Variants in SORCS3 observed in about 807,000 individuals in gnomAD.
SORCS3 encodes sortilin related VPS10 domain containing receptor 3.
SORCS3 carries 57 observed loss-of-function variants against 146.3 expected under a neutral mutation model. The ratio of observed to expected loss-of-function variants is 0.39; its 90% confidence interval spans 0.31 to 0.49. SORCS3 has a LOEUF of 0.49. Among genes scored for constraint, SORCS3 ranks in the 20% least tolerant of loss-of-function variants. The pLI, the probability that SORCS3 is intolerant of heterozygous loss-of-function variation, is 0.92. For missense variants in SORCS3, 1,341 were observed against 1,575.5 expected (o/e 0.85, Z 2.52); for synonymous variants, 653 against 618.5 (o/e 1.06, Z -0.83).
intron 1 of SORCS3, among the ~76,000 whole-genome samples, chr10:104,816,089 TAA>T (rs1426749402): frequency 9.9e-5 from 15 of 152,194 alleles, no homozygotes; most frequent in Non-Finnish European, 2.2e-4. Context: ...CCATGGAATA[TAA>T]GAGTATATTA....
At chr10:105,098,841 G>A (rs1461674172) in intron 6 of SORCS3, among the ~76,000 whole-genome samples, 1 of 152,216 alleles carries the variant, frequency 6.6e-6, no homozygotes, top group Non-Finnish European at 1.5e-5. Flanking sequence ...AGTGGAAAGA[G>A]CCCTGAATGG....
chr10:104,785,083 C>T (rs574896396), intron 1 of SORCS3, among the ~76,000 whole-genome samples: 1 of 152,116 alleles, frequency 6.6e-6, no homozygotes, highest in South Asian at 2.1e-4. Flanking sequence ...GGGGCTGACC[C>T]CCCCCCACCT....
chr10:104,893,439 T>C (rs551113073), intron 2 of SORCS3, among the ~76,000 whole-genome samples: 11 of 152,334 alleles, frequency 7.2e-5, no homozygotes, highest in African/African-American at 2.6e-4. Flanking sequence ...CTGTCTGCCT[T>C]GTCAGCTTTG....
chr10:104,809,747 A>G (rs569434961), intron 1 of SORCS3, among the ~76,000 whole-genome samples: 145 of 152,286 alleles, frequency 9.5e-4, no homozygotes, highest in Non-Finnish European at 1.6e-3. Context: ...TCCTCATTTA[A>G]TGAGCATTAT....
At chr10:105,119,733 G>A (rs894407515) in intron 7 of SORCS3, among the ~76,000 whole-genome samples, 4 of 152,170 alleles carry the variant, frequency 2.6e-5, no homozygotes, top group African/African-American at 9.7e-5. Context: ...GGGGCCTGTG[G>A]TGCCTTTGTT....
chr10:104,838,813 G>A (rs1404533181), intron 1 of SORCS3, among the ~76,000 whole-genome samples: 2 of 152,016 alleles, frequency 1.3e-5, no homozygotes, highest in Non-Finnish European at 2.9e-5. Flanking sequence ...GAAGATTTTC[G>A]AATCCTACTC....
chr10:104,679,622 G>T (rs1381235504), intron 1 of SORCS3, among the ~76,000 whole-genome samples: 1 of 152,124 alleles, frequency 6.6e-6, no homozygotes, highest in Non-Finnish European at 1.5e-5. Context: ...AACTGTTCTG[G>T]AACTTTCTTC....
At chr10:104,702,731 G>C (rs1456096582) in intron 1 of SORCS3, among the ~76,000 whole-genome samples, 1 of 152,128 alleles carries the variant, frequency 6.6e-6, no homozygotes, top group African/African-American at 2.4e-5. Context: ...TCCTGTTCTG[G>C]TGCTGGGGTT....
intron 4 of SORCS3, among the ~76,000 whole-genome samples, chr10:104,980,267 T>A (rs2054924702): frequency 6.6e-6 from 1 of 152,226 alleles, no homozygotes. Context: ...TGGCTGAATG[T>A]TCTTCAGGCC....
chr10:104,809,095 A>G (rs147086630), intron 1 of SORCS3, among the ~76,000 whole-genome samples: 31 of 152,390 alleles, frequency 2.0e-4, no homozygotes, highest in Non-Finnish European at 3.8e-4. Flanking sequence ...TTTGGGAGGT[A>G]GAACATGGGT....
rs904374756 is a variant in SORCS3 at position 105,059,488 on chromosome 10, G to A, written c.1028+16360G>A. On this transcript the variant is annotated intron_variant, in intron 5 of 26. Transcript: ENST00000369701. ...TGATTTTATCTATGCCTGTTTAGAT[G>A]TACTTAGGAATTCCATTGAAAAGAC... is the stretch of plus-strand genomic sequence containing the variant. Among the ~76,000 whole-genome samples, 65 of 152,262 alleles carry A rather than the reference G, an allele frequency of 4.3e-4. 1 individual carries two copies. Among genetic ancestry groups the A allele is most frequent in the African/African-American group, 1.4e-3 (59 of 41,552 alleles).
At chr10:104,808,557 A>G (rs1296720116) in intron 1 of SORCS3, among the ~76,000 whole-genome samples, 1 of 152,170 alleles carries the variant, frequency 6.6e-6, no homozygotes, top group African/African-American at 2.4e-5. Context: ...ATGGAGGGAA[A>G]AACATGTGTG....
At chr10:104,877,420 G>A (rs938015394) in intron 2 of SORCS3, among the ~76,000 whole-genome samples, 7 of 152,006 alleles carry the variant, frequency 4.6e-5, no homozygotes, top group Non-Finnish European at 8.8e-5. Flanking sequence ...TATGTAAAGT[G>A]GATACACTTA....
At chr10:104,818,516 A>C (rs2017834021) in intron 1 of SORCS3, among the ~76,000 whole-genome samples, 1 of 151,766 alleles carries the variant, frequency 6.6e-6, no homozygotes, top group Non-Finnish European at 1.5e-5. Flanking sequence ...GCCTCCCTTC[A>C]AAAGAAGAGA....
chr10:104,810,045 C>A (rs1052178045), intron 1 of SORCS3, among the ~76,000 whole-genome samples: 1 of 152,152 alleles, frequency 6.6e-6, no homozygotes, highest in African/African-American at 2.4e-5. Flanking sequence ...ATGCTTCCGA[C>A]AGAAAGCATG....
At chr10:104,944,201 C>T (rs745808592) in intron 3 of SORCS3, among the ~76,000 whole-genome samples, 27 of 152,022 alleles carry the variant, frequency 1.8e-4, no homozygotes, top group Non-Finnish European at 2.5e-4. Flanking sequence ...CCTCTTACTT[C>T]GACAAAAAAC....
At chr10:104,783,683 C>A (rs149842967) in intron 1 of SORCS3, among the ~76,000 whole-genome samples, 2 of 152,136 alleles carry the variant, frequency 1.3e-5, no homozygotes, top group Admixed American at 1.3e-4. Flanking sequence ...ACCAAGATTG[C>A]GCCATTGCAC....
chr10:104,658,467 G>T (rs966048200), intron 1 of SORCS3, among the ~76,000 whole-genome samples: 1 of 152,226 alleles, frequency 6.6e-6, no homozygotes, highest in African/African-American at 2.4e-5. Context: ...GTTCACTCTT[G>T]TTGCTCAGGC....
intron 20 of SORCS3, among the ~76,000 whole-genome samples, chr10:105,228,257 TTTTG>T (rs1020808956): frequency 2.0e-5 from 3 of 152,000 alleles, no homozygotes; most frequent in African/African-American, 4.8e-5. Context: ...TATCTTCCTT[TTTTG>T]TTTGTTTGTT....
Sources: allele counts gnomAD v4.1 joint callset (sites outside exome capture counted in the v4.1 genomes callset), GRCh38; gene constraint gnomAD v4.1.1; transcripts MANE v1.5; gene names NCBI Gene and HGNC (gene_info 2026-07-23, HGNC 2026-07-21).